The following SCAP variants were observed in gnomAD, a reference collection of about 807,000 sequenced individuals.
The protein encoded by SCAP is sterol regulatory element-binding protein cleavage-activating protein.
In SCAP, 65 loss-of-function variants were observed where a neutral mutation model predicts 123.6. The ratio of observed to expected loss-of-function variants is 0.53; its 90% CI spans 0.43 to 0.65. The LOEUF (loss-of-function observed/expected upper bound fraction) is 0.65. Ranked by LOEUF, SCAP falls within the 30% of genes least tolerant of loss-of-function variation. SCAP has a pLI of 0.00. For synonymous variants in SCAP, 740 were observed against 726.3 expected (o/e 1.02, Z -0.30); for missense variants, 1,398 against 1,712.5 (o/e 0.82, Z 3.24).
intron 2 of SCAP, among the ~76,000 whole-genome samples, chr3:47,440,566 G>A (rs1392708532): frequency 6.6e-6 from 1 of 152,158 alleles, no homozygotes; most frequent in Non-Finnish European, 1.5e-5. Flanking sequence ...TAAGTACACA[G>A]CACTAAGAAT....
intron 1 of SCAP, 81 bp from the exon 2 acceptor site, chr3:47,443,172 T>C (rs935025493): frequency 3.5e-6 from 4 of 1,142,000 alleles, no homozygotes; most frequent in African/African-American, 3.1e-5. Flanking sequence ...GCGATAGTTA[T>C]GTGGCTGGGG....
chr3:47,473,095 A>AAAAAAAAAAAAAAC (rs1559576259), intron 1 of SCAP, among the ~76,000 whole-genome samples: 1 of 146,292 alleles, frequency 6.8e-6, no homozygotes, highest in African/African-American at 2.5e-5. Context: ...AAAAAAAAAA[A>AAAAAAAAAAAAAAC]AAAACAGACT....
intron 1 of SCAP, chr3:47,443,307 C>CAT: frequency 7.4e-6 from 1 of 136,042 alleles, no homozygotes; most frequent in Non-Finnish European, 1.4e-5. Flanking sequence ...CTCTCTCTCT[C>CAT]TCTCCCTCCC....
At chr3:47,456,091 G>A (rs1023624229) in intron 1 of SCAP, among the ~76,000 whole-genome samples, 1 of 152,138 alleles carries the variant, frequency 6.6e-6, no homozygotes, top group African/African-American at 2.4e-5. Flanking sequence ...AAATTAAGCT[G>A]GATCTAACAC....
In SCAP at chr3:47,418,184, G is replaced by T; in HGVS notation, c.2397C>A (p.Cys799Ter). The part of the protein sequence containing the change: ...LVSCCLAGHV[C>*]VWDAQTGDCL... ...AATCCCCGGTCTGCGCGTCCCACAC[G>T]CAGACGTGGCCTGCCAGGCAGCAGC... The change falls in exon 16 of 23, where the codon TGC (cysteine) becomes TGA (stop). Residue 799 changes from cysteine (C) to a stop codon, truncating the protein, a stop_gained. Coordinates refer to ENST00000265565, the MANE Select transcript of SCAP (RefSeq NM_012235.4). LOFTEE classifies it high-confidence loss of function. 6.3e-7 allele frequency: 1 copy of T among 1,575,888 alleles called. No homozygotes were observed. The highest frequency in any genetic ancestry group is 1.3e-5 in the African/African-American group (1 of 74,078).
intron 18 of SCAP, among the ~76,000 whole-genome samples, chr3:47,416,461 C>T (rs1310649065): frequency 1.3e-5 from 2 of 152,178 alleles, no homozygotes; most frequent in Non-Finnish European, 2.9e-5. Context: ...CAAGATACCC[C>T]AAAGGCTCAA....
intron 2 of SCAP, among the ~76,000 whole-genome samples, chr3:47,438,910 A>G (rs1418504133): frequency 2.0e-5 from 3 of 152,064 alleles, no homozygotes; most frequent in Non-Finnish European, 2.9e-5. Context: ...TAGACTATAC[A>G]TGTTTTTGGA....
chr3:47,462,959 T>G (rs1707701703), intron 1 of SCAP, among the ~76,000 whole-genome samples: 1 of 151,916 alleles, frequency 6.6e-6, no homozygotes, highest in Non-Finnish European at 1.5e-5. Flanking sequence ...TGGCTCCAAT[T>G]CTCATCTGTT....
At chr3:47,421,154 G>C in intron 10 of SCAP, 125 bp from the exon 11 acceptor site, 1 of 743,474 alleles carries the variant, frequency 1.3e-6, no homozygotes, top group Non-Finnish European at 2.4e-6. Context: ...GCACAGCAGA[G>C]ATGAGAGATG....
Position 47,413,801 on chromosome 3 carries a change from A to G in SCAP, c.*53T>C. ...TTTCCCCCAAGTCCAGGTTCAGTGC[A>G]TTGGCCCCCACACAGCACCCCAGCC... On this transcript the variant is annotated 3_prime_UTR_variant, in exon 23 of 23. Coordinates refer to ENST00000265565, the MANE Select transcript of SCAP (RefSeq NM_012235.4). The G allele has an allele frequency of 6.4e-7, 1 of 1,574,196 alleles. No homozygotes were observed. Among genetic ancestry groups the G allele is most frequent in the Non-Finnish European group, 8.6e-7 (1 of 1,163,700 alleles).
At chr3:47,417,939 TG>T (rs1705691675) in intron 16 of SCAP, 113 bp from the exon 17 acceptor site, 13 of 193,940 alleles carry the variant, frequency 6.7e-5, no homozygotes, top group Non-Finnish European at 8.6e-5. Flanking sequence ...GAAAAGGGGG[TG>T]GGGGGAGAGG....
rs189710681 is a variant in SCAP at position 47,418,905 on chromosome 3, C to T, written c.1941-62G>A. On this transcript the variant is annotated intron_variant, in intron 13 of 22. Coordinates refer to ENST00000265565, the MANE Select transcript of SCAP (RefSeq NM_012235.4). ...TCCCAGGGCTTCCTCCTGCTGTGCTCGCCAGCCAGTCCTCTCCCTCCTCCC... is the reference window on the plus strand; with the variant it reads ...TCCCAGGGCTTCCTCCTGCTGTGCTTGCCAGCCAGTCCTCTCCCTCCTCCC... 27 of 1,417,650 alleles carry T rather than the reference C, an allele frequency of 1.9e-5. No individual in the cohort carries two copies. The East Asian group carries it at 4.8e-4, about 25-fold the overall frequency. The allele number at this position is 1,417,650 out of a possible 1,614,324, so 87.8% of individuals were successfully genotyped here.
At chr3:47,461,084 C>G (rs1043917398) in intron 1 of SCAP, among the ~76,000 whole-genome samples, 1 of 152,110 alleles carries the variant, frequency 6.6e-6, no homozygotes, top group Non-Finnish European at 1.5e-5. Flanking sequence ...CTCTGTACCC[C>G]CTCCATGCCC....
chr3:47,419,824 A>C lies in SCAP; in HGVS notation c.1564-120T>G, dbSNP rs532083434. ...AGGCCTGGGGATGGAGAGAGGACACAGGCCCCACTGCGTCCTTTTCTCCTG... is the reference window on the plus strand; with the variant it reads ...AGGCCTGGGGATGGAGAGAGGACACCGGCCCCACTGCGTCCTTTTCTCCTG... On this transcript the variant is annotated intron_variant, in intron 12 of 22. Coordinates refer to ENST00000265565, the MANE Select transcript of SCAP (RefSeq NM_012235.4). This position sits in a 1 kb window ranked among gnomAD's most constrained non-coding sequence, Gnocchi z 5.0. 1.1e-4 allele frequency: 131 copies of C among 1,193,328 alleles called. 1 individual carries two copies. The highest frequency in any genetic ancestry group is 6.8e-4 in the Admixed American group (24 of 35,226). The allele number at this position is 1,193,328 out of a possible 1,614,324, so 73.9% of individuals were successfully genotyped here. A position where few individuals can be genotyped will look rare whatever the true frequency, so the allele number is the denominator to read the frequency against.
intron 1 of SCAP, among the ~76,000 whole-genome samples, chr3:47,469,382 T>C (rs1412787986): frequency 1.3e-5 from 2 of 152,228 alleles, no homozygotes; most frequent in Non-Finnish European, 2.9e-5. Context: ...TTTGTTTGTT[T>C]TGAGAGTCTT....
At chr3:47,461,793 G>C (rs535759382) in intron 1 of SCAP, among the ~76,000 whole-genome samples, 4 of 152,254 alleles carry the variant, frequency 2.6e-5, no homozygotes, top group African/African-American at 4.8e-5. Flanking sequence ...TAGGACTCTC[G>C]GAGGCCGAGG....
chr3:47,427,277 CAGCAGGTACT>C lies in SCAP; in HGVS notation c.632-25_632-16del. On this transcript the variant is annotated splice_polypyrimidine_tract_variant and intron_variant, in intron 5 of 22. Coordinates refer to ENST00000265565, the MANE Select transcript of SCAP (RefSeq NM_012235.4). Reference sequence around the variant, plus strand: ...AAATAACAAGTCTGCAAGCAGAAACCAGCAGGTACTGACACAGAAATGACAGCTACTGCAG... The same window carrying C: ...AAATAACAAGTCTGCAAGCAGAAACCGACACAGAAATGACAGCTACTGCAG... 6.2e-7 allele frequency: 1 copy of C among 1,605,176 alleles called. No homozygotes were observed.
In SCAP at chr3:47,420,137, G is replaced by C. The variant is rs1705824886; in HGVS notation, c.1563+417C>G. On this transcript the variant is annotated intron_variant, in intron 12 of 22. Coordinates refer to ENST00000265565, the MANE Select transcript of SCAP (RefSeq NM_012235.4). The surrounding 1 kb of genome is among the most constrained non-coding windows in gnomAD (Gnocchi z 5.0). Reference sequence around the variant, plus strand: ...CATCTCAGTTCAGCTCCCTGGAAGAGGCACTGCTGCCCCAAGGCCAGCCCA... The same window carrying C: ...CATCTCAGTTCAGCTCCCTGGAAGACGCACTGCTGCCCCAAGGCCAGCCCA... 2.0e-5 allele frequency among the ~76,000 whole-genome samples: 3 copies of C among 152,230 alleles called. No individual in the cohort carries two copies. In the South Asian group the frequency reaches 6.2e-4, roughly 32 times the overall value.
Position 47,418,742 on chromosome 3 carries a change from G to C in SCAP, c.2042C>G (p.Pro681Arg). The change falls in exon 14 of 23, where the codon CCA becomes CGA. Residue 681 changes from proline to arginine, a missense_variant. This residue lies in a region of SCAP where 828 missense variants were observed against 882.5 expected (regional missense o/e 0.94). Coordinates refer to ENST00000265565, the MANE Select transcript of SCAP (RefSeq NM_012235.4). ...HPQDGRSAWP[P>R]PGPIPAGHWE... ...GTGCCCAGCAGGTATGGGCCCCGGT[G>C]GGGGCCAGGCACTGCGGCCGTCCTG... 4 of 1,601,262 alleles carry C rather than the reference G, an allele frequency of 2.5e-6. No homozygotes were observed. Among genetic ancestry groups the C allele is most frequent in the South Asian group, 1.1e-5 (1 of 89,300 alleles).
Sources: gnomAD v4.1 joint callset for allele counts (sites outside exome capture counted in the v4.1 genomes callset) on GRCh38, gnomAD v4.1.1 for gene constraint, gnomAD v4.1.1 regional missense constraint, Gnocchi (gnomAD v3.1) non-coding constraint, MANE v1.5 for transcripts, NCBI Gene and HGNC (gene_info 2026-07-23, HGNC 2026-07-21) for gene names.